The following TACC1 variants were observed in gnomAD, a reference collection of about 807,000 sequenced individuals.
TACC1 encodes transforming acidic coiled-coil containing protein 1.
Under a neutral mutation model 84.4 loss-of-function variants are expected in TACC1, and 48 were observed. The ratio of observed to expected loss-of-function variants is 0.57; its 90% CI spans 0.45 to 0.72. TACC1 has a LOEUF of 0.72. TACC1 is among the 30% of genes least tolerant of loss of function. The pLI is 0.00. For synonymous variants in TACC1, 372 were observed against 376.3 expected (o/e 0.99, Z 0.13); for missense variants, 920 against 973.0 (o/e 0.95, Z 0.72).
chr8:38,729,287 G>C (rs779699687), intron 1 of TACC1, among the ~76,000 whole-genome samples: 7 of 152,226 alleles, frequency 4.6e-5, no homozygotes, highest in Non-Finnish European at 4.4e-5. Context: ...CCCTGGTCAG[G>C]GCCCTTGAGC....
upstream of TACC1, among the ~76,000 whole-genome samples, chr8:38,786,913 TA>T (rs1304073961): frequency 6.6e-6 from 1 of 151,900 alleles, no homozygotes; most frequent in Non-Finnish European, 1.5e-5. Flanking sequence ...TGAAAATGTT[TA>T]AAAAAATTTT....
chr8:38,787,004 A>C (rs1563467877), upstream of TACC1, among the ~76,000 whole-genome samples: 1 of 151,532 alleles, frequency 6.6e-6, no homozygotes, highest in Non-Finnish European at 1.5e-5. Context: ...ACGCCGGCGG[A>C]CCTGTGGGGT....
intron 1 of TACC1, among the ~76,000 whole-genome samples, chr8:38,739,752 A>C (rs1806712967): frequency 1.3e-5 from 2 of 152,188 alleles, no homozygotes; most frequent in African/African-American, 4.8e-5. Flanking sequence ...ACACCCTAAA[A>C]ATCCCCTGTG....
In TACC1 at chr8:38,746,736, A is replaced by G. The variant is rs1016352345; in HGVS notation, c.26+1243A>G. Reference sequence around the variant, plus strand: ...TAGAATTTACATGAAGAAGTACATTATCAACTGTAAATGGGCCATGAAAAG... The same window carrying G: ...TAGAATTTACATGAAGAAGTACATTGTCAACTGTAAATGGGCCATGAAAAG... On this transcript the variant is annotated intron_variant, in intron 3 of 14. Coordinates refer to the TACC1 transcript ENST00000518415. 2.0e-5 allele frequency among the ~76,000 whole-genome samples: 3 copies of G among 152,232 alleles called. No individual in the cohort carries two copies. In the East Asian group the frequency reaches 5.8e-4, roughly 29 times the overall value.
At chr8:38,754,941 T>C (rs1166738934) in intron 3 of TACC1, among the ~76,000 whole-genome samples, 1 of 152,136 alleles carries the variant, frequency 6.6e-6, no homozygotes, top group East Asian at 1.9e-4. Context: ...GGCAGGCGGA[T>C]CACAAGGACA....
Position 38,827,191 on chromosome 8 carries a change from G to T in TACC1, c.1476G>T (p.Gln492His), listed in dbSNP as rs1214694603. Reference sequence around the variant, plus strand: ...AGGATGAAGGGGCAGTGATCTCCCAGATTTCAGACATTTCTAATAGGGATG... The same window carrying T: ...AGGATGAAGGGGCAGTGATCTCCCATATTTCAGACATTTCTAATAGGGATG... Reference protein sequence around the residue: ...CSRDEGAVISQISDISNRDGH... With the variant: ...CSRDEGAVISHISDISNRDGH... The change falls in exon 5 of 13, where the codon CAG becomes CAT. Residue 492 changes from glutamine (Q) to histidine (H), a missense_variant. By Grantham distance (24) the Gln-to-His change is conservative. Coordinates refer to ENST00000317827, the MANE Select transcript of TACC1 (RefSeq NM_006283.3). 4 of 1,613,882 alleles carry T rather than the reference G, an allele frequency of 2.5e-6. No individual in the cohort carries two copies. The highest frequency in any genetic ancestry group is 3.4e-6 in the Non-Finnish European group (4 of 1,180,006).
At chr8:38,815,775 G>A (rs913146126) in intron 2 of TACC1, among the ~76,000 whole-genome samples, 6 of 151,948 alleles carry the variant, frequency 3.9e-5, no homozygotes, top group Non-Finnish European at 8.8e-5. Context: ...AAAAACATTA[G>A]TTTTAAAAAC....
At chr8:38,757,229 G>A in intron 3 of TACC1, 6 of 104,212 alleles carry the variant, frequency 5.8e-5, no homozygotes, top group Non-Finnish European at 8.7e-5. Flanking sequence ...GCCCTCCCTC[G>A]CCCCACCCTT....
chr8:38,845,180 C>A (rs1831991356), intron 11 of TACC1, among the ~76,000 whole-genome samples: 1 of 152,230 alleles, frequency 6.6e-6, no homozygotes. Flanking sequence ...CCGCCTCGGT[C>A]TCCCAAAGTG....
At chr8:38,822,696 G>T (rs1827151495) in intron 3 of TACC1, among the ~76,000 whole-genome samples, 1 of 152,080 alleles carries the variant, frequency 6.6e-6, no homozygotes, top group Admixed American at 6.5e-5. Flanking sequence ...TATTCCATAA[G>T]TTTTCTTTGT....
chr8:38,836,214 G>T lies in TACC1; in HGVS notation c.1766G>T (p.Gly589Val). 1 of 1,613,438 alleles carries T rather than the reference G, an allele frequency of 6.2e-7. No individual in the cohort carries two copies. Reference sequence around the variant, plus strand: ...GCCCCTGTGTCGGTGTCCTGTGGAGGTGAGAGCCCCCTGGATGGGATCTGC... The same window carrying T: ...GCCCCTGTGTCGGTGTCCTGTGGAGTTGAGAGCCCCCTGGATGGGATCTGC... ...EKAPVSVSCG[G>V]ESPLDGICLS... The change falls in exon 7 of 13, where the codon GGT (glycine) becomes GTT (valine). Residue 589 changes from glycine to valine, a missense_variant. By Grantham distance (109) the Gly-to-Val change is moderately radical. This residue lies in a region of TACC1 where 762 missense variants were observed against 747.3 expected (regional missense o/e 1.02). Transcript: ENST00000317827.
At chr8:38,766,548 C>G (rs1812292717) in intron 3 of TACC1, among the ~76,000 whole-genome samples, 1 of 152,202 alleles carries the variant, frequency 6.6e-6, no homozygotes, top group African/African-American at 2.4e-5. Flanking sequence ...TACAAAGATG[C>G]TTTGCTGTAC....
At chr8:38,846,906 A>T (rs1000328731) in intron 12 of TACC1, 87 bp downstream of exon 12, 3 of 1,514,344 alleles carry the variant, frequency 2.0e-6, no homozygotes, top group Non-Finnish European at 8.9e-7. Context: ...GATCTGGGTG[A>T]AAGAGGCCTT....
At chr8:38,733,695 C>G (rs1206654774) in intron 1 of TACC1, among the ~76,000 whole-genome samples, 7 of 152,096 alleles carry the variant, frequency 4.6e-5, no homozygotes, top group Non-Finnish European at 8.8e-5. Context: ...CCAGAGCCCT[C>G]TCCCTCTGTC....
At chr8:38,839,763 T>C (rs1830866563) in intron 8 of TACC1, 1 of 161,546 alleles carries the variant, frequency 6.2e-6, no homozygotes, top group African/African-American at 2.4e-5. Flanking sequence ...ACTTTTGGAA[T>C]TAGGACACAA....
chr8:38,826,818 T>C (rs903766719), intron 4 of TACC1, among the ~76,000 whole-genome samples: 1 of 152,160 alleles, frequency 6.6e-6, no homozygotes, highest in South Asian at 2.1e-4. Flanking sequence ...AGTTTTTAGA[T>C]GTCACTTGAA....
chr8:38,742,536 G>C, intron 2 of TACC1: 1 of 970,736 alleles, frequency 1.0e-6, no homozygotes, highest in South Asian at 1.6e-5. Flanking sequence ...TAACAGATAT[G>C]TAATCTTTGT....
At chr8:38,783,000 T>A (rs776312233), upstream of TACC1, among the ~76,000 whole-genome samples, 2 of 151,846 alleles carry the variant, frequency 1.3e-5, no homozygotes, top group Admixed American at 6.6e-5. Flanking sequence ...CATATAGTCA[T>A]GAATATTTGA....
At chr8:38,840,910 G>A (rs768751349) in intron 9 of TACC1, among the ~76,000 whole-genome samples, 2 of 152,120 alleles carry the variant, frequency 1.3e-5, no homozygotes, top group African/African-American at 4.8e-5. Context: ...TTAGCTGGGC[G>A]TGGTGGTGCA....
Sources: allele counts gnomAD v4.1 joint callset (sites outside exome capture counted in the v4.1 genomes callset), GRCh38; gene constraint gnomAD v4.1.1; regional missense constraint gnomAD v4.1.1; transcripts MANE v1.5; gene names NCBI Gene and HGNC (gene_info 2026-07-23, HGNC 2026-07-21).